The following FGGY variants were observed in gnomAD, a reference collection of about 807,000 sequenced individuals.
FGGY encodes FGGY carbohydrate kinase domain containing, also known as FGGY carbohydrate kinase domain-containing protein.
Under a neutral mutation model 71.3 loss-of-function variants are expected in FGGY, and 72 were observed. The observed-to-expected ratio is 1.01, with a 90% confidence interval of 0.84 to 1.23. FGGY has a LOEUF of 1.23. Among genes scored for constraint, FGGY ranks in the 50% most tolerant of loss-of-function variants. FGGY has a pLI of 0.00. For missense variants in FGGY, 668 were observed against 682.3 expected, an observed-to-expected ratio of 0.98 and a Z score of 0.23; for synonymous variants, 251 against 250.3, an observed-to-expected ratio of 1.00 and a Z score of -0.02.
chr1:59,715,217 A>G (rs535637038), intron 14 of FGGY, among the ~76,000 whole-genome samples: 14 of 152,278 alleles, frequency 9.2e-5, no homozygotes, highest in African/African-American at 3.1e-4. Context: ...AGCTTGCCCT[A>G]TTTGTGCACT....
At chr1:59,396,190 G>T (rs2061304964) in intron 5 of FGGY, among the ~76,000 whole-genome samples, 1 of 152,108 alleles carries the variant, frequency 6.6e-6, no homozygotes, top group African/African-American at 2.4e-5. Flanking sequence ...CACTGGCCAA[G>T]ACTCAGCCAT....
intron 8 of FGGY, among the ~76,000 whole-genome samples, chr1:59,589,712 A>T (rs1285341471): frequency 6.6e-6 from 1 of 152,262 alleles, no homozygotes; most frequent in East Asian, 1.9e-4. Flanking sequence ...AAATGAAGGC[A>T]GTAATAAAGG....
At chr1:59,516,196 A>G (rs2094645303) in intron 7 of FGGY, among the ~76,000 whole-genome samples, 1 of 152,170 alleles carries the variant, frequency 6.6e-6, no homozygotes, top group South Asian at 2.1e-4. Flanking sequence ...GTTTCCTTTC[A>G]TTTCTACCTT....
chr1:59,506,074 CA>C (rs1170430469), intron 6 of FGGY, among the ~76,000 whole-genome samples: 1 of 152,074 alleles, frequency 6.6e-6, no homozygotes. Flanking sequence ...ACAGCCAAAT[CA>C]AGAGAATAGG....
At chr1:59,297,057 CTCCTCCTCCCCT>C (rs1348858717), upstream of FGGY, 6 of 154,412 alleles carry the variant, frequency 3.9e-5, no homozygotes, top group African/African-American at 9.7e-5. Flanking sequence ...CCTCCCCTGC[CTCCTCCTCCCCT>C]TCCTCCTCCT....
Position 59,582,770 on chromosome 1 carries a change from G to A in FGGY, c.904-25033G>A, listed in dbSNP as rs370371154. 4.3e-4 allele frequency among the ~76,000 whole-genome samples: 64 copies of A among 150,074 alleles called. 5 individuals are homozygous for A. The highest frequency in any genetic ancestry group is 1.3e-3 in the African/African-American group (53 of 39,746). ...TGAATTCCTTGAGGACAGATATTGC[G>A]GAGCATTCATTTCTATATCACCACG... is the stretch of plus-strand genomic sequence containing the variant. On this transcript the variant is annotated intron_variant, in intron 8 of 15. Coordinates refer to ENST00000303721, the MANE Select transcript of FGGY (RefSeq NM_018291.5).
At chr1:59,334,425 T>C (rs2049075671) in intron 2 of FGGY, among the ~76,000 whole-genome samples, 1 of 152,230 alleles carries the variant, frequency 6.6e-6, no homozygotes, top group South Asian at 2.1e-4. Context: ...ATTACAGGCG[T>C]GAGCCATTGC....
chr1:59,535,849 T>G (rs930179187), intron 7 of FGGY, among the ~76,000 whole-genome samples: 2 of 146,612 alleles, frequency 1.4e-5, no homozygotes, highest in African/African-American at 5.2e-5. Context: ...AGAGGGAAAT[T>G]TATAGCACTA....
chr1:59,419,426 C>CTGAG (rs1482689193), intron 5 of FGGY, among the ~76,000 whole-genome samples: 1 of 152,110 alleles, frequency 6.6e-6, no homozygotes, highest in African/African-American at 2.4e-5. Context: ...TCACTATGAG[C>CTGAG]TGAGTAAAAA....
chr1:59,425,223 A>G (rs1056206278), intron 5 of FGGY, among the ~76,000 whole-genome samples: 3 of 152,218 alleles, frequency 2.0e-5, no homozygotes, highest in African/African-American at 7.2e-5. Context: ...AATACCTGGG[A>G]AACATGGATT....
chr1:59,621,879 T>G (rs992670639), intron 9 of FGGY, among the ~76,000 whole-genome samples: 70 of 152,146 alleles, frequency 4.6e-4, no homozygotes, highest in Non-Finnish European at 9.1e-4. Flanking sequence ...TTTTTTTGTT[T>G]GTTTCTTCTC....
At chr1:59,321,042 G>A (rs977295748) in intron 1 of FGGY, among the ~76,000 whole-genome samples, 2 of 152,232 alleles carry the variant, frequency 1.3e-5, no homozygotes, top group Non-Finnish European at 2.9e-5. Context: ...GAGTCATAGT[G>A]AGGAGTAAAG....
intron 14 of FGGY, among the ~76,000 whole-genome samples, chr1:59,707,156 T>C (rs553594018): frequency 1.3e-5 from 2 of 152,354 alleles, no homozygotes; most frequent in East Asian, 3.9e-4. Flanking sequence ...TCAGGATTTA[T>C]CTGCAGCAGT....
At chr1:59,338,129 C>T (rs571477911) in intron 2 of FGGY, among the ~76,000 whole-genome samples, 4 of 152,140 alleles carry the variant, frequency 2.6e-5, no homozygotes, top group South Asian at 2.1e-4. Context: ...TGTTAATGTG[C>T]GTATTCCATT....
At chr1:59,616,311 A>C (rs190537165) in intron 9 of FGGY, among the ~76,000 whole-genome samples, 217 of 152,168 alleles carry the variant, frequency 1.4e-3, no homozygotes, top group African/African-American at 5.1e-3. Context: ...AGCCATAAAA[A>C]TGAGTTCATG....
At chr1:59,638,163 T>C in intron 10 of FGGY, 65 bp from the exon 11 acceptor site, 3 of 1,507,966 alleles carry the variant, frequency 2.0e-6, no homozygotes, top group Non-Finnish European at 2.7e-6. Flanking sequence ...ATGGTTTCTT[T>C]CTATAGAATG....
At chr1:59,619,335 T>C (rs1305432200) in intron 9 of FGGY, among the ~76,000 whole-genome samples, 1 of 151,944 alleles carries the variant, frequency 6.6e-6, no homozygotes, top group African/African-American at 2.4e-5. Context: ...AGACAGATAA[T>C]ACACAAAAAA....
chr1:59,333,523 A>T (rs2048893961), intron 2 of FGGY, among the ~76,000 whole-genome samples: 2 of 152,198 alleles, frequency 1.3e-5, no homozygotes, highest in Non-Finnish European at 2.9e-5. Context: ...AAGTTATATA[A>T]CTCGGAAATA....
At chr1:59,479,093 G>A (rs187412758) in intron 6 of FGGY, among the ~76,000 whole-genome samples, 1 of 152,304 alleles carries the variant, frequency 6.6e-6, no homozygotes, top group East Asian at 1.9e-4. Flanking sequence ...AACATGAGAT[G>A]TGTAGTCATC....
Sources: gnomAD v4.1 joint callset for allele counts (sites outside exome capture counted in the v4.1 genomes callset) on GRCh38, gnomAD v4.1.1 for gene constraint, MANE v1.5 for transcripts, NCBI Gene and HGNC (gene_info 2026-07-23, HGNC 2026-07-21) for gene names.